ITPRID1: variants seen among roughly 807,000 people sequenced by gnomAD.
The protein encoded by ITPRID1 is protein ITPRID1.
A neutral mutation model predicts 95.4 loss-of-function variants in ITPRID1; 96 were observed. The observed-to-expected ratio is 1.01, with a 90% CI of 0.85 to 1.19. ITPRID1 has a LOEUF of 1.19. Ranked by LOEUF, ITPRID1 falls within the 50% of genes most tolerant of loss-of-function variation. The pLI, the probability that ITPRID1 is intolerant of heterozygous loss-of-function variation, is 0.00. For missense variants in ITPRID1, 1,339 were observed against 1,252.9 expected, an observed-to-expected ratio of 1.07 and a Z score of -1.04; for synonymous variants, 510 against 453.6, an observed-to-expected ratio of 1.12 and a Z score of -1.58.
intron 10 of ITPRID1, among the ~76,000 whole-genome samples, chr7:31,607,688 C>A (rs1020469253): frequency 6.6e-6 from 1 of 151,728 alleles, no homozygotes; most frequent in South Asian, 2.1e-4. Flanking sequence ...CAACCCCATG[C>A]CCTTCAGTTT....
intron 10 of ITPRID1, among the ~76,000 whole-genome samples, chr7:31,630,256 A>AC (rs1788874054): frequency 6.6e-6 from 1 of 151,580 alleles, no homozygotes; most frequent in South Asian, 2.1e-4. Flanking sequence ...AAAAAAAAAA[A>AC]AAAAAACATT....
At chr7:31,528,170 C>T (rs1783482926) in intron 1 of ITPRID1, among the ~76,000 whole-genome samples, 1 of 152,124 alleles carries the variant, frequency 6.6e-6, no homozygotes, top group South Asian at 2.1e-4. Flanking sequence ...AACTTCAGTG[C>T]TCTGAGTGCT....
chr7:31,554,508 T>C lies in ITPRID1; in HGVS notation c.197T>C (p.Leu66Pro). 1.2e-6 allele frequency: 2 copies of C among 1,613,066 alleles called. No individual in the cohort carries two copies. The highest frequency in any genetic ancestry group is 2.2e-5 in the East Asian group (1 of 44,784). Reference sequence around the variant, plus strand: ...AAGCAAGAAAGTATTCAGCAGTGGCTGGACTCTGGATTCTTGTAAGTGTTT... The same window carrying C: ...AAGCAAGAAAGTATTCAGCAGTGGCCGGACTCTGGATTCTTGTAAGTGTTT... The part of the protein sequence containing the change: ...DSKQESIQQW[L>P]DSGFFVSANE... Residue 66 changes from leucine to proline, a missense_variant, in exon 4 of 15, where the codon CTG (leucine) becomes CCG (proline). Transcript: ENST00000615280.
At chr7:31,620,011 C>T (rs1270044100) in intron 10 of ITPRID1, among the ~76,000 whole-genome samples, 9 of 152,178 alleles carry the variant, frequency 5.9e-5, no homozygotes. Flanking sequence ...ATTGCTAGCA[C>T]AGCAGTCTGA....
chr7:31,625,743 G>T (rs1163292235), intron 10 of ITPRID1, among the ~76,000 whole-genome samples: 1 of 151,772 alleles, frequency 6.6e-6, no homozygotes, highest in East Asian at 1.9e-4. Context: ...TGCACATTGT[G>T]CACATGTACC....
At chr7:31,537,195 C>T (rs1208025498) in intron 1 of ITPRID1, among the ~76,000 whole-genome samples, 1 of 151,582 alleles carries the variant, frequency 6.6e-6, no homozygotes, top group East Asian at 1.9e-4. Flanking sequence ...TCCTACTTTG[C>T]TCCCAATCTT....
At chr7:31,651,486 A>T (rs895666509) in intron 13 of ITPRID1, among the ~76,000 whole-genome samples, 2 of 152,100 alleles carry the variant, frequency 1.3e-5, no homozygotes, top group Non-Finnish European at 2.9e-5. Context: ...AGGTCAAAAG[A>T]CAGGCAGTCA....
chr7:31,650,675 A>G (rs1790867099), intron 12 of ITPRID1, among the ~76,000 whole-genome samples: 3 of 152,156 alleles, frequency 2.0e-5, no homozygotes, highest in Admixed American at 2.0e-4. Context: ...ACTAATAAAC[A>G]TTATTCTAAG....
chr7:31,530,362 C>T (rs985372969), intron 1 of ITPRID1, among the ~76,000 whole-genome samples: 1 of 152,074 alleles, frequency 6.6e-6, no homozygotes, highest in African/African-American at 2.4e-5. Flanking sequence ...AAAGACTGAA[C>T]GTGATGTACT....
chr7:31,635,604 C>A (rs918171746), intron 10 of ITPRID1, among the ~76,000 whole-genome samples: 3 of 152,182 alleles, frequency 2.0e-5, no homozygotes, highest in African/African-American at 7.2e-5. Flanking sequence ...ATTACTCTTT[C>A]TACCTTTTAG....
intron 1 of ITPRID1, among the ~76,000 whole-genome samples, chr7:31,533,032 A>G (rs1032973652): frequency 6.6e-6 from 1 of 152,202 alleles, no homozygotes; most frequent in Non-Finnish European, 1.5e-5. Flanking sequence ...AAGGAATTGA[A>G]AATATTTTTT....
intron 12 of ITPRID1, among the ~76,000 whole-genome samples, chr7:31,647,907 A>G (rs1386586868): frequency 1.3e-5 from 2 of 152,260 alleles, no homozygotes; most frequent in East Asian, 3.9e-4. Flanking sequence ...GTCTAGGGTA[A>G]TGATTTGTTG....
At chr7:31,642,107 G>A in intron 10 of ITPRID1, 69 bp from the exon 11 acceptor site, 1 of 1,069,842 alleles carries the variant, frequency 9.3e-7, no homozygotes, top group East Asian at 2.7e-5. Context: ...GCACCTAGAG[G>A]GGTTGATCCA....
chr7:31,555,227 G>C, intron 5 of ITPRID1: 1 of 192,968 alleles, frequency 5.2e-6, no homozygotes, highest in East Asian at 1.2e-4. Context: ...TCCCCATCCT[G>C]TATTATACTT....
intron 10 of ITPRID1, among the ~76,000 whole-genome samples, chr7:31,584,407 T>A (rs957987505): frequency 6.6e-6 from 1 of 152,152 alleles, no homozygotes; most frequent in African/African-American, 2.4e-5. Flanking sequence ...AAGACAAAAA[T>A]AAGCATCTGT....
intron 10 of ITPRID1, among the ~76,000 whole-genome samples, chr7:31,625,631 AGGAGGGG>A (rs1788384373): frequency 1.3e-5 from 2 of 148,464 alleles, no homozygotes; most frequent in African/African-American, 2.5e-5. Flanking sequence ...GTGGGGTGGG[AGGAGGGG>A]GGAGGGATAG....
chr7:31,649,555 A>G (rs1470761218), intron 12 of ITPRID1, among the ~76,000 whole-genome samples: 1 of 152,194 alleles, frequency 6.6e-6, no homozygotes, highest in East Asian at 1.9e-4. Context: ...TGTTAACAAG[A>G]ATAAAGGAGA....
chr7:31,557,961 T>A (rs967291694), intron 5 of ITPRID1, among the ~76,000 whole-genome samples: 1 of 152,228 alleles, frequency 6.6e-6, no homozygotes, highest in Admixed American at 6.5e-5. Flanking sequence ...ATCACCATAG[T>A]GACAGCATTG....
chr7:31,648,989 A>G (rs753286871), intron 12 of ITPRID1, among the ~76,000 whole-genome samples: 1 of 152,264 alleles, frequency 6.6e-6, no homozygotes, highest in Non-Finnish European at 1.5e-5. Context: ...TCTGGTCTTA[A>G]GAGCCATAAT....
Sources: gnomAD v4.1 joint callset for allele counts (sites outside exome capture counted in the v4.1 genomes callset) on GRCh38, gnomAD v4.1.1 for gene constraint, MANE v1.5 for transcripts, NCBI Gene and HGNC (gene_info 2026-07-23, HGNC 2026-07-21) for gene names.